Variants in RFX3 observed in about 807,000 individuals in gnomAD.
RFX3 encodes the protein transcription factor RFX3.
In RFX3, 14 loss-of-function variants were observed where a neutral mutation model predicts 98.6. The ratio of observed to expected loss-of-function variants is 0.14; its 90% confidence interval spans 0.09 to 0.22. The LOEUF (loss-of-function observed/expected upper bound fraction) is 0.22, where lower values mean the gene tolerates loss of function less well. Among genes scored for constraint, RFX3 ranks in the 10% least tolerant of loss-of-function variants. The pLI, the probability that RFX3 is intolerant of heterozygous loss-of-function variation, is 1.00. For missense variants in RFX3, 639 were observed against 926.9 expected, an observed-to-expected ratio of 0.69 and a Z score of 4.03; for synonymous variants, 383 against 328.4, an observed-to-expected ratio of 1.17 and a Z score of -1.80.
chr9:3,380,873 T>C (rs1490803677), intron 2 of RFX3, among the ~76,000 whole-genome samples: 3 of 152,212 alleles, frequency 2.0e-5, no homozygotes, highest in Non-Finnish European at 4.4e-5. Flanking sequence ...AACATTTTTA[T>C]ACTGAGCTTT....
chr9:3,260,019 G>A (rs571979354), intron 13 of RFX3, among the ~76,000 whole-genome samples: 2 of 151,848 alleles, frequency 1.3e-5, no homozygotes, highest in African/African-American at 2.4e-5. Context: ...GGGAGGCAAG[G>A]GACTCTGGGA....
intron 4 of RFX3, among the ~76,000 whole-genome samples, chr9:3,314,852 A>G (rs547051552): frequency 6.6e-6 from 1 of 152,340 alleles, no homozygotes; most frequent in South Asian, 2.1e-4. Flanking sequence ...CACCCAAAAT[A>G]GGAGCACCCA....
At chr9:3,407,707 A>G (rs1842088137) in intron 1 of RFX3, among the ~76,000 whole-genome samples, 1 of 152,082 alleles carries the variant, frequency 6.6e-6, no homozygotes, top group Admixed American at 6.6e-5. Flanking sequence ...ATATGCTATA[A>G]TTTTTTAATC....
At chr9:3,248,777 T>A (rs1821008349) in intron 14 of RFX3, among the ~76,000 whole-genome samples, 1 of 152,220 alleles carries the variant, frequency 6.6e-6, no homozygotes, top group South Asian at 2.1e-4. Flanking sequence ...GATTTCCACT[T>A]AAATTAAGGC....
intron 7 of RFX3, among the ~76,000 whole-genome samples, chr9:3,286,335 T>G (rs1826595444): frequency 6.6e-6 from 1 of 151,832 alleles, no homozygotes; most frequent in South Asian, 2.1e-4. Flanking sequence ...ATTCTATAAT[T>G]TATTTTATTA....
chr9:3,479,128 C>T (rs534195672), intron 1 of RFX3, among the ~76,000 whole-genome samples: 12 of 152,266 alleles, frequency 7.9e-5, no homozygotes, highest in East Asian at 5.8e-4. Flanking sequence ...TGAGAATAAC[C>T]CCAAGTTAAA....
intron 15 of RFX3, among the ~76,000 whole-genome samples, chr9:3,234,513 C>T (rs766571006): frequency 4.6e-5 from 7 of 152,106 alleles, no homozygotes; most frequent in Middle Eastern, 3.2e-3. Flanking sequence ...TGGTGGCACA[C>T]GCCTGTAGTC....
At chr9:3,425,024 G>A (rs1057339581) in intron 1 of RFX3, among the ~76,000 whole-genome samples, 1 of 152,104 alleles carries the variant, frequency 6.6e-6, no homozygotes, top group African/African-American at 2.4e-5. Flanking sequence ...GAGCTCAGGA[G>A]TTCAAGACCA....
intron 8 of RFX3, among the ~76,000 whole-genome samples, chr9:3,276,926 ATTACT>A (rs1432268935): frequency 6.6e-6 from 1 of 152,076 alleles, no homozygotes. Flanking sequence ...AAATGAATAA[ATTACT>A]TTAAAAAAGT....
At chr9:3,263,318 C>T (rs1268540761) in intron 12 of RFX3, among the ~76,000 whole-genome samples, 2 of 152,136 alleles carry the variant, frequency 1.3e-5, no homozygotes, top group African/African-American at 4.8e-5. Context: ...CCACATTCTT[C>T]GACATCTGAG....
At chr9:3,248,384 G>A (rs556477815) in intron 14 of RFX3, among the ~76,000 whole-genome samples, 199 bp from the exon 15 acceptor site, 23 of 152,276 alleles carry the variant, frequency 1.5e-4, no homozygotes, top group Admixed American at 1.4e-3. Flanking sequence ...TCCTCACGGA[G>A]ACTTGATCCT....
chr9:3,453,272 G>C (rs965631543), intron 1 of RFX3, among the ~76,000 whole-genome samples: 1 of 151,946 alleles, frequency 6.6e-6, no homozygotes, highest in Non-Finnish European at 1.5e-5. Context: ...AGTGTAACTG[G>C]TTTTCAGCAA....
rs374569202 is a variant in RFX3, at chr9:3,413,216, T to G, written c.-8-17620A>C. The stretch of plus-strand genomic sequence containing the variant: ...CCAAATAGAAACATCAGCATCTTCC[T>G]AAGAAAATATTAAAATACTTGTTAA... On this transcript the variant is annotated intron_variant, in intron 1 of 16. Coordinates refer to ENST00000617270, the MANE Select transcript of RFX3 (RefSeq NM_001282116.2). Among the ~76,000 whole-genome samples, 121 of 152,152 alleles carry G rather than the reference T, an allele frequency of 8.0e-4. 2 individuals are homozygous for G. The South Asian group carries it at 0.024, about 31-fold the overall frequency.
At chr9:3,336,233 C>A (rs980672582) in intron 3 of RFX3, among the ~76,000 whole-genome samples, 2 of 152,120 alleles carry the variant, frequency 1.3e-5, no homozygotes, top group African/African-American at 2.4e-5. Context: ...GGCTACTCTG[C>A]ATACATTCTT....
chr9:3,396,963 T>A lies in RFX3; in HGVS notation c.-8-1367A>T, dbSNP rs571503773. 1.8e-3 allele frequency among the ~76,000 whole-genome samples: 278 copies of A among 152,346 alleles called. 1 individual carries two copies. Among genetic ancestry groups the A allele is most frequent in the South Asian group, 0.016 (75 of 4,828 alleles). ...GCCAAAGAATCAAGTTAACTAATTT[T>A]GTGTATGGTATAATATGGTACTAAA... On this transcript the variant is annotated intron_variant, in intron 1 of 16. Transcript: ENST00000617270.
intron 15 of RFX3, among the ~76,000 whole-genome samples, chr9:3,238,401 G>T (rs598780): frequency 0.81 from 122,547 of 152,114 alleles, 51,354 homozygotes; most frequent in East Asian, 0.97. Context: ...GGCCTGAGAA[G>T]GGATGAAGTG....
intron 6 of RFX3, among the ~76,000 whole-genome samples, chr9:3,289,327 A>T (rs1336792451): frequency 6.6e-6 from 1 of 152,122 alleles, no homozygotes; most frequent in African/African-American, 2.4e-5. Context: ...GCCAGTTTTT[A>T]AAAAATGCAG....
chr9:3,247,037 T>A lies in RFX3; in HGVS notation c.1968+995A>T, dbSNP rs961226514. 3 of 969,004 alleles carry A rather than the reference T, an allele frequency of 3.1e-6. No homozygotes were observed. In the Admixed American group the frequency reaches 1.9e-4, roughly 60 times the overall value. 60.0% of individuals were successfully genotyped at this position (969,004 alleles called of 1,614,324 possible). On this transcript the variant is annotated intron_variant, in intron 15 of 16. Transcript: ENST00000617270. ...AAACTAGGAAAAGCATTGAATAATA[T>A]CTGTTTTCACTCTTTTTTATTTATA...
At position 3,234,177 on chromosome 9, in the gene RFX3, C is replaced by CTAGAAGAG. The variant is rs567947471; in HGVS notation, c.1969-5296_1969-5289dup. 7.0e-3 allele frequency among the ~76,000 whole-genome samples: 1,069 copies of CTAGAAGAG among 152,270 alleles called. 4 individuals are homozygous for CTAGAAGAG. Among genetic ancestry groups the CTAGAAGAG allele is most frequent in the Non-Finnish European group, 1.0e-2 (678 of 68,018 alleles). ...CCAGCAAAATATGAAAGTGTATGGT[C>CTAGAAGAG]TAGAAGAGGGGCTGGCACACTTTTT... On this transcript the variant is annotated intron_variant, in intron 15 of 16. Coordinates refer to ENST00000617270, the MANE Select transcript of RFX3 (RefSeq NM_001282116.2).
Sources: allele counts gnomAD v4.1 joint callset (sites outside exome capture counted in the v4.1 genomes callset), GRCh38; gene constraint gnomAD v4.1.1; transcripts MANE v1.5; gene names NCBI Gene and HGNC (gene_info 2026-07-23, HGNC 2026-07-21).